Variants in EDRF1 observed in about 807,000 individuals in gnomAD.
The protein encoded by EDRF1 is erythroid differentiation-related factor 1.
In EDRF1, 69 loss-of-function variants were observed where a neutral mutation model predicts 148.7. That is an observed-to-expected ratio of 0.46 (90% CI 0.38 to 0.57). The LOEUF is 0.57. Ranked by LOEUF, EDRF1 falls within the 20% of genes least tolerant of loss-of-function variation. EDRF1 has a pLI of 0.00. For missense variants in EDRF1, 1,118 were observed against 1,478.7 expected, an observed-to-expected ratio of 0.76 and a Z score of 4.00; for synonymous variants, 515 against 532.8, an observed-to-expected ratio of 0.97 and a Z score of 0.46.
In EDRF1 at chr10:125,741,034, C is replaced by T. The variant is rs200537079; in HGVS notation, c.2204C>T (p.Ser735Phe). Residue 735 changes from serine (S) to phenylalanine (F), a missense_variant, in exon 17 of 25, where the codon TCC becomes TTC. By Grantham distance (155) the Ser-to-Phe change is radical. Transcript: ENST00000356792. ...TYCCLCTNML[S>F]EVLLFLSQYL... ...TGCTGCCTCTGCACCAATATGCTTT[C>T]CGAAGTGCTGTTGTTTCTCTCTCAA... 3 of 1,614,146 alleles carry T rather than the reference C, an allele frequency of 1.9e-6. No individual in the cohort carries two copies. The highest frequency in any genetic ancestry group is 2.5e-6 in the Non-Finnish European group (3 of 1,180,048).
chr10:125,723,721 T>A, intron 3 of EDRF1, 90 bp from the exon 4 acceptor site: 3 of 1,336,822 alleles, frequency 2.2e-6, no homozygotes, highest in Non-Finnish European at 2.1e-6. Context: ...AGGTTTATTA[T>A]GCTTTAAAAT....
At chr10:125,726,531 A>C (rs2133676377) in intron 6 of EDRF1, among the ~76,000 whole-genome samples, 2 of 152,350 alleles carry the variant, frequency 1.3e-5, no homozygotes, top group East Asian at 3.9e-4. Flanking sequence ...ATTTTCAGGA[A>C]AATAGATTGA....
At chr10:125,732,757 A>C in intron 9 of EDRF1, among the ~76,000 whole-genome samples, 1 of 152,204 alleles carries the variant, frequency 6.6e-6, no homozygotes, top group East Asian at 1.9e-4. Flanking sequence ...AGAGTACTTC[A>C]GAAAATGTGG....
intron 24 of EDRF1, among the ~76,000 whole-genome samples, chr10:125,762,658 A>AGG (rs1196003439): frequency 6.6e-6 from 1 of 152,214 alleles, no homozygotes. Context: ...TCTTCAGCTG[A>AGG]GGGGCAGTCT....
intron 15 of EDRF1, 150 bp downstream of exon 15, chr10:125,738,595 T>A: frequency 1.0e-6 from 1 of 965,404 alleles, no homozygotes; most frequent in East Asian, 2.6e-5. Flanking sequence ...TATTCTTTCA[T>A]TTGAAATATA....
intron 24 of EDRF1, among the ~76,000 whole-genome samples, chr10:125,758,453 A>T (rs1554877276): frequency 1.3e-5 from 2 of 149,236 alleles, no homozygotes; most frequent in Non-Finnish European, 3.0e-5. Flanking sequence ...CAAGAGAAAT[A>T]TTTTTTTTTT....
In EDRF1 at chr10:125,730,361, G is replaced by A. The variant is rs1848433784; in HGVS notation, c.1090G>A (p.Glu364Lys). The change falls in exon 9 of 25, where the codon GAG becomes AAG. Residue 364 changes from glutamate to lysine, a missense_variant. Coordinates refer to ENST00000356792, the MANE Select transcript of EDRF1 (RefSeq NM_001202438.2). ...WLDNLICNVP[E>K]LVMCFHVNGI... The stretch of plus-strand genomic sequence containing the variant: ...GGACAACTTGATATGCAATGTGCCA[G>A]AGCTTGTGATGTGTTTTCATGTAAA... The A allele has an allele frequency of 6.2e-7, 1 of 1,613,902 alleles. No homozygotes were observed. The highest frequency in any genetic ancestry group is 1.3e-5 in the African/African-American group (1 of 74,928).
intron 18 of EDRF1, among the ~76,000 whole-genome samples, chr10:125,744,355 A>T (rs182389657): frequency 5.4e-4 from 82 of 152,078 alleles, no homozygotes; most frequent in Admixed American, 1.4e-3. Context: ...AGTAATTTTT[A>T]AAAATTTTTT....
At chr10:125,737,735 CT>C (rs1848813522) in intron 13 of EDRF1, among the ~76,000 whole-genome samples, 182 bp from the exon 14 acceptor site, 1 of 152,104 alleles carries the variant, frequency 6.6e-6, no homozygotes, top group African/African-American at 2.4e-5. Flanking sequence ...CTAGTTCTTG[CT>C]TTTTTGTCAT....
chr10:125,745,544 T>C (rs560375801), intron 18 of EDRF1, 163 bp from the exon 19 acceptor site: 4 of 689,222 alleles, frequency 5.8e-6, no homozygotes, highest in South Asian at 4.9e-5. Context: ...TTTACCTTCA[T>C]GTAACAGGCA....
At chr10:125,756,867 C>T (rs1429144188) in intron 24 of EDRF1, 15 of 421,526 alleles carry the variant, frequency 3.6e-5, no homozygotes, top group Middle Eastern at 4.6e-4. Context: ...GGCTGGAGTG[C>T]AGTGGCATGA....
At chr10:125,721,083 T>C in intron 1 of EDRF1, 121 bp from the exon 2 acceptor site, 2 of 905,552 alleles carry the variant, frequency 2.2e-6, no homozygotes, top group Non-Finnish European at 3.7e-6. Flanking sequence ...GTGCTGTTAG[T>C]AACATGTGGC....
At position 125,725,804 on chromosome 10, in the gene EDRF1, C is replaced by G. The variant is rs1347083949; in HGVS notation, c.758C>G (p.Ser253Cys). ...ASWPAPFEMP[S>C]SVSEDPSASS... ...TGGCCTGCTCCCTTCGAAATGCCTT[C>G]TTCAGTTTCTGAAGATCCCAGTGCT... Residue 253 changes from serine to cysteine, a missense_variant, in exon 6 of 25, where the codon TCT becomes TGT. Coordinates refer to ENST00000356792, the MANE Select transcript of EDRF1 (RefSeq NM_001202438.2). The G allele has an allele frequency of 5.0e-6, 8 of 1,613,808 alleles. No individual in the cohort carries two copies. The highest frequency in any genetic ancestry group is 6.8e-6 in the Non-Finnish European group (8 of 1,179,978).
In EDRF1 at chr10:125,733,737, T is replaced by C; in HGVS notation, c.1379T>C (p.Leu460Ser). Residue 460 changes from leucine (L) to serine (S), a missense_variant, in exon 11 of 25, where the codon TTG (leucine) becomes TCG (serine). Around this residue, in one of 3 missense-constraint regions of EDRF1, gnomAD observed 954 missense variants for 1,241.4 expected, o/e 0.77. Transcript: ENST00000356792. The part of the protein sequence containing the change: ...NPFTMPVAIL[L>S]YKVACNMMMK... ...TTCACAATGCCGGTAGCCATTCTCT[T>C]GTACAAGTGAGTGCTTTAAGAATTT... is the stretch of plus-strand genomic sequence containing the variant. The C allele has an allele frequency of 6.2e-7, 1 of 1,611,514 alleles. No homozygotes were observed. Among genetic ancestry groups the C allele is most frequent in the Non-Finnish European group, 8.5e-7 (1 of 1,177,722 alleles).
intron 18 of EDRF1, chr10:125,745,381 C>G (rs1849296025): frequency 2.8e-6 from 1 of 357,594 alleles, no homozygotes; most frequent in Non-Finnish European, 5.3e-6. Context: ...GAGTCCCTCC[C>G]TCTTTAAAAG....
Position 125,729,012 on chromosome 10 carries a change from C to T in EDRF1, c.802C>T (p.Pro268Ser), listed in dbSNP as rs12360198. The change falls in exon 7 of 25, where the codon CCT (proline) becomes TCT (serine). Residue 268 changes from proline (P) to serine (S), a missense_variant. Physicochemically the swap from Pro to Ser is moderately conservative, Grantham distance 74 (BLOSUM62 -1). This residue lies in a region of EDRF1 where 954 missense variants were observed against 1,241.4 expected (regional missense o/e 0.77). Transcript: ENST00000356792. ...CTTGCACTTTTCACAGGGAAGTGAG[C>T]CTCTTGAACCCTCATACATAGTGGG... ...DPSASSQGSE[P>S]LEPSYIVGHV... is the part of the protein sequence containing the mutation. 6,977 of 1,578,154 alleles carry T rather than the reference C, an allele frequency of 4.4e-3. 243 individuals are homozygous for T. In the African/African-American group the frequency reaches 0.078, roughly 18 times the overall value.
At position 125,743,292 on chromosome 10, in the gene EDRF1, G is replaced by A; in HGVS notation, c.2590+16G>A. ...GAGAGACTAGGTGAGTATCTCTTTA[G>A]ATTCCTCTCTATTGCTTGTTCTCTC... On this transcript the variant is annotated intron_variant, in intron 18 of 24. Coordinates refer to ENST00000356792, the MANE Select transcript of EDRF1 (RefSeq NM_001202438.2). The A allele has an allele frequency of 6.3e-7, 1 of 1,598,326 alleles. No individual in the cohort carries two copies. The highest frequency in any genetic ancestry group is 8.6e-7 in the Non-Finnish European group (1 of 1,166,298).
chr10:125,725,916 A>G lies in EDRF1; in HGVS notation c.792+78A>G, dbSNP rs898760912. On this transcript the variant is annotated intron_variant, in intron 6 of 24. Transcript: ENST00000356792. ...TTTAACATCTCGTTAAAAAAAAAAA[A>G]AGATGAACAGGACTAAGAAATATTC... 3.7e-5 allele frequency: 54 copies of G among 1,448,812 alleles called. No homozygotes were observed. In the South Asian group the frequency reaches 5.6e-4, roughly 15 times the overall value. The allele number at this position is 1,448,812 out of a possible 1,614,324, so 89.7% of individuals were successfully genotyped here. A position where few individuals can be genotyped will look rare whatever the true frequency, so the allele number is the denominator to read the frequency against.
intron 16 of EDRF1, 125 bp downstream of exon 16, chr10:125,740,776 C>A: frequency 1.7e-6 from 2 of 1,197,748 alleles, no homozygotes; most frequent in Non-Finnish European, 2.4e-6. Flanking sequence ...TGACTGTTTC[C>A]AATCCTGTGT....
Sources: gnomAD v4.1 joint callset for allele counts (sites outside exome capture counted in the v4.1 genomes callset) on GRCh38, gnomAD v4.1.1 for gene constraint, gnomAD v4.1.1 regional missense constraint, MANE v1.5 for transcripts, NCBI Gene and HGNC (gene_info 2026-07-23, HGNC 2026-07-21) for gene names.